Variants in KAT6A observed in about 807,000 individuals in gnomAD.
The protein encoded by KAT6A is histone acetyltransferase KAT6A.
A neutral mutation model predicts 198.4 loss-of-function variants in KAT6A; 9 were observed. The observed-to-expected ratio is 0.05, with a 90% CI of 0.03 to 0.08. The LOEUF is 0.08. Among genes scored for constraint, KAT6A ranks in the 10% least tolerant of loss-of-function variants. KAT6A has a pLI of 1.00. For synonymous variants in KAT6A, 890 were observed against 883.0 expected, an observed-to-expected ratio of 1.01 and a Z score of -0.14; for missense variants, 2,077 against 2,509.9, an observed-to-expected ratio of 0.83 and a Z score of 3.69.
At chr8:42,016,008 A>G (rs1826254591) in intron 2 of KAT6A, among the ~76,000 whole-genome samples, 1 of 152,238 alleles carries the variant, frequency 6.6e-6, no homozygotes, top group African/African-American at 2.4e-5. Flanking sequence ...CTCCCATTAA[A>G]TAACCAAAAG....
In KAT6A at chr8:41,931,597, A is replaced by T. The variant is rs1039774033; in HGVS notation, c.*608T>A. On this transcript the variant is annotated 3_prime_UTR_variant, in exon 17 of 17. Coordinates refer to ENST00000265713, the MANE Select transcript of KAT6A (RefSeq NM_006766.5). ...GTGTGTGAGGAGTGGAGGGGATTTT[A>T]AAAGGAGAAGCATTTTCCTGCCTCA... is the stretch of plus-strand genomic sequence containing the variant. 1 of 198,766 alleles carries T rather than the reference A, an allele frequency of 5.0e-6. No homozygotes were observed. The highest frequency in any genetic ancestry group is 1.0e-5 in the Non-Finnish European group (1 of 96,202). The allele number at this position is 198,766 out of a possible 1,614,324, so 12.3% of individuals were successfully genotyped here.
chr8:41,983,959 G>T (rs951957504), intron 3 of KAT6A, among the ~76,000 whole-genome samples: 8 of 152,182 alleles, frequency 5.3e-5, no homozygotes, highest in African/African-American at 1.7e-4. Context: ...TGGACTTCAT[G>T]CTTAGAAATG....
intron 2 of KAT6A, among the ~76,000 whole-genome samples, chr8:42,005,796 A>ACACACACACACACACACT (rs71239089): frequency 5.4e-5 from 8 of 148,908 alleles, no homozygotes; most frequent in African/African-American, 1.2e-4. Flanking sequence ...ACACACACAC[A>ACACACACACACACACACT]CACTCACTCT....
At chr8:41,946,014 A>G (rs1339190717) in intron 12 of KAT6A, among the ~76,000 whole-genome samples, 1 of 150,168 alleles carries the variant, frequency 6.7e-6, no homozygotes, top group Admixed American at 6.7e-5. Context: ...TGGGTGACAG[A>G]GCGAGACTCT....
At chr8:42,049,455 T>A (rs1280581851) in intron 1 of KAT6A, 153 bp from the exon 2 acceptor site, 1 of 176,968 alleles carries the variant, frequency 5.7e-6, no homozygotes, top group Non-Finnish European at 1.2e-5. Flanking sequence ...AACAATCATG[T>A]ATGTAAACCA....
intron 2 of KAT6A, 32 bp downstream of exon 2, chr8:42,048,346 T>C: frequency 6.2e-7 from 1 of 1,600,978 alleles, no homozygotes; most frequent in Non-Finnish European, 8.5e-7. Context: ...TATCATCAGC[T>C]CTATAAACCC....
At chr8:41,952,867 T>C (rs566898134) in intron 9 of KAT6A, among the ~76,000 whole-genome samples, 4 of 152,060 alleles carry the variant, frequency 2.6e-5, no homozygotes, top group Admixed American at 1.3e-4. Flanking sequence ...AATATAAAGA[T>C]AGAAAAAAAG....
chr8:41,949,465 C>A, intron 9 of KAT6A, 102 bp from the exon 10 acceptor site: 1 of 795,906 alleles, frequency 1.3e-6, no homozygotes, highest in Non-Finnish European at 1.8e-6. Context: ...ACCCAGGTAA[C>A]AGGTTAAAAA....
At chr8:41,962,475 C>A (rs1823251126) in intron 8 of KAT6A, among the ~76,000 whole-genome samples, 1 of 152,086 alleles carries the variant, frequency 6.6e-6, no homozygotes, top group Non-Finnish European at 1.5e-5. Flanking sequence ...ATCAACATAT[C>A]CCAATGGGTC....
At chr8:41,984,939 C>T (rs565712171) in intron 3 of KAT6A, among the ~76,000 whole-genome samples, 22 of 150,188 alleles carry the variant, frequency 1.5e-4, no homozygotes, top group East Asian at 1.4e-3. Context: ...GCCGAGATCA[C>T]GCCACTGCAC....
Position 42,003,207 on chromosome 8 carries a change from G to A in KAT6A, c.601-15644C>T, listed in dbSNP as rs138113985. Among the ~76,000 whole-genome samples the A allele has an allele frequency of 8.3e-3, 1,264 of 152,250 alleles. 16 individuals carry two copies. Among genetic ancestry groups the A allele is most frequent in the African/African-American group, 0.029 (1,222 of 41,530 alleles). On this transcript the variant is annotated intron_variant, in intron 2 of 16. Transcript: ENST00000265713. ...TGGAACCCTAGCATTGGCCCTTTCC[G>A]AGGAGAAACGGTTGTTTCCAGTCTT... is the stretch of plus-strand genomic sequence containing the variant.
chr8:41,995,939 C>T lies in KAT6A; in HGVS notation c.601-8376G>A, dbSNP rs1028483778. ...GATTCACCCACCTTGGCCTCCCAGA[C>T]TGCTGGGATTACAGGAGTGAGCCAC... On this transcript the variant is annotated intron_variant, in intron 2 of 16. Coordinates refer to ENST00000265713, the MANE Select transcript of KAT6A (RefSeq NM_006766.5). Among the ~76,000 whole-genome samples the T allele has an allele frequency of 1.7e-4, 26 of 152,120 alleles. No homozygotes were observed. In the East Asian group the frequency reaches 5.0e-3, roughly 29 times the overall value.
Position 42,049,111 on chromosome 8 carries a change from C to G in KAT6A, c.-134G>C, listed in dbSNP as rs1423034437. The stretch of plus-strand genomic sequence containing the variant: ...AGCATATGAGTTTTCTGGCCTAAGT[C>G]CTTCCTCCTTTCACAAAACAGAATG... On this transcript the variant is annotated 5_prime_UTR_variant, in exon 2 of 17. Coordinates refer to ENST00000265713, the MANE Select transcript of KAT6A (RefSeq NM_006766.5). 2.3e-6 allele frequency: 2 copies of G among 884,948 alleles called. No individual in the cohort carries two copies. The highest frequency in any genetic ancestry group is 1.7e-6 in the Non-Finnish European group (1 of 578,048). The allele number at this position is 884,948 out of a possible 1,614,324, so 54.8% of individuals were successfully genotyped here. A position where few individuals can be genotyped will look rare whatever the true frequency, so the allele number is the denominator to read the frequency against.
At chr8:41,989,746 C>A (rs531459084) in intron 2 of KAT6A, among the ~76,000 whole-genome samples, 2 of 152,054 alleles carry the variant, frequency 1.3e-5, no homozygotes, top group South Asian at 2.1e-4. Flanking sequence ...AGTTTTCTCA[C>A]GGAGAAAGGT....
At chr8:42,022,880 T>C (rs978330668) in intron 2 of KAT6A, among the ~76,000 whole-genome samples, 4 of 152,244 alleles carry the variant, frequency 2.6e-5, no homozygotes, top group Admixed American at 1.3e-4. Flanking sequence ...TGTACTGATA[T>C]GAAACATCCT....
intron 1 of KAT6A, among the ~76,000 whole-genome samples, chr8:42,050,448 C>T (rs867495561): frequency 2.6e-5 from 4 of 152,166 alleles, no homozygotes; most frequent in South Asian, 4.1e-4. Context: ...CAATGCTAGA[C>T]AAATGGCTCC....
At position 42,018,634 on chromosome 8, in the gene KAT6A, T is replaced by A. The variant is rs1223570974; in HGVS notation, c.600+29744A>T. 2.6e-5 allele frequency among the ~76,000 whole-genome samples: 4 copies of A among 152,118 alleles called. No homozygotes were observed. In the East Asian group the frequency reaches 7.8e-4, roughly 30 times the overall value. The stretch of plus-strand genomic sequence containing the variant: ...ACACTTCCTAAGTATTAAAAACACA[T>A]AGAACAGGCTGGGCGAGGTGGCTCA... On this transcript the variant is annotated intron_variant, in intron 2 of 16. Coordinates refer to ENST00000265713, the MANE Select transcript of KAT6A (RefSeq NM_006766.5).
intron 2 of KAT6A, among the ~76,000 whole-genome samples, chr8:42,045,615 T>A (rs1459876707): frequency 1.3e-5 from 2 of 148,516 alleles, no homozygotes; most frequent in African/African-American, 5.0e-5. Context: ...TGTAAGCAAA[T>A]GGGCATTTCT....
At chr8:42,049,594 T>C (rs1802498340) in intron 1 of KAT6A, 1 of 153,128 alleles carries the variant, frequency 6.5e-6, no homozygotes, top group African/African-American at 2.4e-5. Context: ...GTGATGGCTA[T>C]TCTGTACTCC....
Sources: allele counts gnomAD v4.1 joint callset (sites outside exome capture counted in the v4.1 genomes callset), GRCh38; gene constraint gnomAD v4.1.1; transcripts MANE v1.5; gene names NCBI Gene and HGNC (gene_info 2026-07-23, HGNC 2026-07-21).